The following NXPH2 variants were observed in gnomAD, a reference collection of about 807,000 sequenced individuals.
The protein encoded by NXPH2 is neurexophilin-2.
In NXPH2, 5 loss-of-function variants were observed where a neutral mutation model predicts 19.8. That is an observed-to-expected ratio of 0.25 (90% CI 0.13 to 0.53). The LOEUF is 0.53. Among genes scored for constraint, NXPH2 ranks in the 20% least tolerant of loss-of-function variants. The pLI, the probability that NXPH2 is intolerant of heterozygous loss-of-function variation, is 0.96. For synonymous variants in NXPH2, 154 were observed against 127.4 expected (o/e 1.21, Z -1.41); for missense variants, 289 against 322.8 (o/e 0.90, Z 0.80).
At chr2:138,728,535 C>T (rs1681396440) in intron 1 of NXPH2, among the ~76,000 whole-genome samples, 2 of 152,054 alleles carry the variant, frequency 1.3e-5, no homozygotes, top group Non-Finnish European at 1.5e-5. Context: ...AGAAAGATCT[C>T]GATAAATGTT....
chr2:138,713,280 C>A (rs1204126828), intron 1 of NXPH2, among the ~76,000 whole-genome samples: 2 of 152,190 alleles, frequency 1.3e-5, no homozygotes, highest in Non-Finnish European at 2.9e-5. Flanking sequence ...AGTCACAGGA[C>A]AGCATGCTGA....
At chr2:138,735,520 T>C (rs1681526257) in intron 1 of NXPH2, among the ~76,000 whole-genome samples, 1 of 152,158 alleles carries the variant, frequency 6.6e-6, no homozygotes, top group Non-Finnish European at 1.5e-5. Flanking sequence ...GCCCCCATGA[T>C]TCAATTATCT....
chr2:138,694,319 G>C (rs1272285610), intron 1 of NXPH2, among the ~76,000 whole-genome samples: 1 of 152,142 alleles, frequency 6.6e-6, no homozygotes, highest in African/African-American at 2.4e-5. Context: ...CCGGGTACCT[G>C]TGATCGTGAC....
chr2:138,684,717 C>T (rs10928660), intron 1 of NXPH2, among the ~76,000 whole-genome samples: 36,262 of 151,956 alleles, frequency 0.24, 5,055 homozygotes, highest in Non-Finnish European at 0.28. Context: ...GGGACTGTTC[C>T]GGGCAGGAGC....
At chr2:138,741,009 C>G (rs1480228765) in intron 1 of NXPH2, among the ~76,000 whole-genome samples, 4 of 152,110 alleles carry the variant, frequency 2.6e-5, no homozygotes, top group African/African-American at 9.6e-5. Flanking sequence ...CATACTGGGA[C>G]AATCCCCTTG....
At chr2:138,748,816 GA>G (rs1190433388) in intron 1 of NXPH2, among the ~76,000 whole-genome samples, 1 of 152,110 alleles carries the variant, frequency 6.6e-6, no homozygotes, top group Non-Finnish European at 1.5e-5. Flanking sequence ...CAGAGCACCT[GA>G]AGTTAGACTA....
intron 1 of NXPH2, among the ~76,000 whole-genome samples, chr2:138,726,582 C>T (rs1681363619): frequency 6.6e-6 from 1 of 150,712 alleles, no homozygotes; most frequent in Non-Finnish European, 1.5e-5. Flanking sequence ...CACCAAAGGC[C>T]AAATTTTATC....
intron 1 of NXPH2, among the ~76,000 whole-genome samples, chr2:138,705,732 A>G (rs1680997992): frequency 6.6e-6 from 1 of 152,226 alleles, no homozygotes; most frequent in Non-Finnish European, 1.5e-5. Context: ...CTGTCTGCCT[A>G]GAACTTTATT....
chr2:138,769,122 T>A (rs1240233120), intron 1 of NXPH2, among the ~76,000 whole-genome samples: 2 of 152,158 alleles, frequency 1.3e-5, no homozygotes, highest in African/African-American at 4.8e-5. Flanking sequence ...AATAGTGTAG[T>A]GGTATAGTAA....
intron 1 of NXPH2, among the ~76,000 whole-genome samples, chr2:138,749,700 G>A (rs1473254564): frequency 1.3e-5 from 2 of 152,070 alleles, no homozygotes; most frequent in Non-Finnish European, 2.9e-5. Context: ...ATCACAAATA[G>A]TTAAGAATAC....
chr2:138,717,411 G>A (rs144112030), intron 1 of NXPH2, among the ~76,000 whole-genome samples: 6 of 151,278 alleles, frequency 4.0e-5, no homozygotes, highest in South Asian at 2.1e-4. Context: ...TCACAGTTCT[G>A]GAAGCTGGAA....
In NXPH2 at chr2:138,671,341, G is replaced by A. The variant is rs1255620741; in HGVS notation, c.376C>T (p.Leu126Phe). ...ATTTTCCCTGTGATGAGGAGATTGA[G>A]TTTGACAGTTTTAATGTTGGAATGA... ...DFHSNIKTVK[L>F]NLLITGKIVD... Residue 126 changes from leucine (L) to phenylalanine (F), a missense_variant, in exon 2 of 2, where the codon CTC (leucine) becomes TTC (phenylalanine). Transcript: ENST00000272641. 6.2e-7 allele frequency: 1 copy of A among 1,613,748 alleles called. No homozygotes were observed. Among genetic ancestry groups the A allele is most frequent in the Non-Finnish European group, 8.5e-7 (1 of 1,179,818 alleles).
intron 1 of NXPH2, among the ~76,000 whole-genome samples, chr2:138,776,525 AT>A (rs978261850): frequency 6.6e-6 from 1 of 151,652 alleles, no homozygotes; most frequent in Non-Finnish European, 1.5e-5. Flanking sequence ...CTTAATTTTC[AT>A]TTTTTAAAGT....
rs77218156 is a variant in NXPH2 at position 138,747,612 on chromosome 2, G to T, written c.51+32579C>A. ...CCCTGGTTGGATCTAGGAAGAGTGG[G>T]TGTCAAAAAGGGGGCCATAAGTCTC... On this transcript the variant is annotated intron_variant, in intron 1 of 1. Transcript: ENST00000272641. Among the ~76,000 whole-genome samples the T allele has an allele frequency of 1.5e-3, 223 of 152,252 alleles. 4 individuals are homozygous for T. The East Asian group carries it at 0.04, about 28-fold the overall frequency.
intron 1 of NXPH2, among the ~76,000 whole-genome samples, chr2:138,688,382 G>T (rs1680693740): frequency 6.6e-6 from 1 of 152,112 alleles, no homozygotes; most frequent in Non-Finnish European, 1.5e-5. Context: ...GGGTTTCACT[G>T]TGTTGCCCAG....
intron 1 of NXPH2, among the ~76,000 whole-genome samples, chr2:138,729,899 G>A (rs1385597099): frequency 5.3e-5 from 8 of 152,154 alleles, no homozygotes; most frequent in East Asian, 1.9e-4. Flanking sequence ...TTGTCTGCTC[G>A]GGCTGCTGTA....
chr2:138,739,136 A>G (rs2105004980), intron 1 of NXPH2, among the ~76,000 whole-genome samples: 1 of 152,366 alleles, frequency 6.6e-6, no homozygotes, highest in Non-Finnish European at 1.5e-5. Context: ...CAGAAATTAT[A>G]AAGTATTGCA....
intron 1 of NXPH2, among the ~76,000 whole-genome samples, chr2:138,734,940 C>A (rs1681516059): frequency 6.6e-6 from 1 of 152,008 alleles, no homozygotes; most frequent in Admixed American, 6.6e-5. Flanking sequence ...TGGTCAAGGG[C>A]CAGGGATGTA....
At chr2:138,673,824 T>C (rs915718632) in intron 1 of NXPH2, among the ~76,000 whole-genome samples, 1 of 151,874 alleles carries the variant, frequency 6.6e-6, no homozygotes, top group Non-Finnish European at 1.5e-5. Flanking sequence ...CATCCATCAA[T>C]CTCTCTTCAT....
Sources: gnomAD v4.1 joint callset for allele counts (sites outside exome capture counted in the v4.1 genomes callset) on GRCh38, gnomAD v4.1.1 for gene constraint, MANE v1.5 for transcripts, NCBI Gene and HGNC (gene_info 2026-07-23, HGNC 2026-07-21) for gene names.